The following ANO6 variants were observed in gnomAD, a reference collection of about 807,000 sequenced individuals.
The protein encoded by ANO6 is anoctamin 6, also known as anoctamin-6.
ANO6 carries 106 observed loss-of-function variants against 117.5 expected under a neutral mutation model. The ratio of observed to expected loss-of-function variants is 0.90; its 90% CI spans 0.77 to 1.06. The LOEUF (loss-of-function observed/expected upper bound fraction) is 1.06. Ranked by LOEUF, ANO6 falls within the 50% of genes least tolerant of loss-of-function variation. The probability of loss-of-function intolerance (pLI) is 0.00; values close to 1 mark genes in which losing one functional copy is unlikely to be tolerated. For missense variants in ANO6, 955 were observed against 1,121.1 expected (o/e 0.85, Z 2.12); for synonymous variants, 367 against 385.1 (o/e 0.95, Z 0.55).
At position 45,430,088 on chromosome 12, in the gene ANO6, C is replaced by G; in HGVS notation, c.*777C>G. 3 of 985,442 alleles carry G rather than the reference C, an allele frequency of 3.0e-6. No homozygotes were observed. The highest frequency in any genetic ancestry group is 3.6e-6 in the Non-Finnish European group (3 of 829,938). The allele number at this position is 985,442 out of a possible 1,614,324, so 61.0% of individuals were successfully genotyped here. A position where few individuals can be genotyped will look rare whatever the true frequency, so the allele number is the denominator to read the frequency against. On this transcript the variant is annotated 3_prime_UTR_variant, in exon 20 of 20. Coordinates refer to ENST00000320560, the MANE Select transcript of ANO6 (RefSeq NM_001025356.3). ...AAAATGACAAAAGCAGGGAAAGTTA[C>G]AGATTCAAACAGCATTTTAACTCAT...
intron 3 of ANO6, among the ~76,000 whole-genome samples, chr12:45,331,754 A>G (rs778712249): frequency 6.6e-6 from 1 of 152,118 alleles, no homozygotes; most frequent in Admixed American, 6.6e-5. Flanking sequence ...AATGATTAAT[A>G]ATGACAAGTG....
chr12:45,226,305 G>A (rs1252204094), intron 1 of ANO6, among the ~76,000 whole-genome samples: 3 of 152,118 alleles, frequency 2.0e-5, no homozygotes, highest in Non-Finnish European at 4.4e-5. Flanking sequence ...AGAAATACAA[G>A]TGAAAGAAAA....
intron 7 of ANO6, among the ~76,000 whole-genome samples, chr12:45,354,166 G>GC (rs1257567069): frequency 3.3e-5 from 5 of 152,056 alleles, no homozygotes; most frequent in Admixed American, 6.5e-5. Flanking sequence ...TGAAAATAGA[G>GC]CCACTGAGTC....
In ANO6 at chr12:45,422,975, C is replaced by G; in HGVS notation, c.2439C>G (p.Tyr813Ter). The change falls in exon 19 of 20, where the codon TAC (tyrosine) becomes TAG (stop). Residue 813 changes from tyrosine (Y) to a stop codon, truncating the protein, a stop_gained. Coordinates refer to ENST00000320560, the MANE Select transcript of ANO6 (RefSeq NM_001025356.3). LOFTEE classifies it high-confidence loss of function. The stretch of plus-strand genomic sequence containing the variant: ...TTTTCAGGTATCGTGATTTCCGATA[C>G]CCACCTGGACACCCCCAGGAGTATA... ...HTTCRYRDFR[Y>*]PPGHPQEYKH... The G allele has an allele frequency of 6.2e-7, 1 of 1,613,462 alleles. No homozygotes were observed. The highest frequency in any genetic ancestry group is 1.1e-5 in the South Asian group (1 of 91,066).
At chr12:45,290,131 T>C (rs1191194823) in intron 1 of ANO6, among the ~76,000 whole-genome samples, 6 of 152,142 alleles carry the variant, frequency 3.9e-5, no homozygotes, top group African/African-American at 1.4e-4. Flanking sequence ...CAGACTTCAC[T>C]GGGGGTGCAT....
intron 1 of ANO6, among the ~76,000 whole-genome samples, chr12:45,224,681 A>G (rs992883857): frequency 6.6e-6 from 1 of 152,232 alleles, no homozygotes; most frequent in South Asian, 2.1e-4. Flanking sequence ...CTAAAAGAAT[A>G]AGAGTTACTC....
At chr12:45,375,902 A>G (rs1052243852) in intron 9 of ANO6, among the ~76,000 whole-genome samples, 120 of 148,834 alleles carry the variant, frequency 8.1e-4, no homozygotes, top group Non-Finnish European at 1.4e-3. Context: ...AGAAACTACC[A>G]TCAGAGTGAA....
chr12:45,286,200 G>C (rs192798035), intron 1 of ANO6, among the ~76,000 whole-genome samples: 43 of 152,264 alleles, frequency 2.8e-4, no homozygotes, highest in African/African-American at 9.1e-4. Flanking sequence ...AGATCTCCTC[G>C]TGTTGCCTAG....
At chr12:45,328,198 G>A (rs984323369) in intron 2 of ANO6, among the ~76,000 whole-genome samples, 1 of 152,002 alleles carries the variant, frequency 6.6e-6, no homozygotes, top group African/African-American at 2.4e-5. Flanking sequence ...TCAAAAACAA[G>A]CTCATTTACT....
In ANO6 at chr12:45,366,521, C is replaced by T. The variant is rs765947264; in HGVS notation, c.999-1167C>T. On this transcript the variant is annotated intron_variant, in intron 8 of 19. Transcript: ENST00000320560. ...GTTCTCACTTTACTAATTTGCTTGG[C>T]CAGCTTTGGTATAAATCAGTTTTTA... Among the ~76,000 whole-genome samples, 91 of 152,228 alleles carry T rather than the reference C, an allele frequency of 6.0e-4. 1 individual carries two copies. The Middle Eastern group carries it at 0.01, about 17-fold the overall frequency.
In ANO6 at chr12:45,216,386, A is replaced by G; in HGVS notation, c.65A>G (p.Asp22Gly). Residue 22 changes from aspartate to glycine, a missense_variant, in exon 1 of 20, where the codon GAT (aspartate) becomes GGT (glycine). By Grantham distance (94) the Asp-to-Gly change is moderately conservative (BLOSUM62 -1). Coordinates refer to ENST00000320560, the MANE Select transcript of ANO6 (RefSeq NM_001025356.3). Reference protein sequence around the residue: ...MEEEEDDDDGDIVLENLGQTI... With the variant: ...MEEEEDDDDGGIVLENLGQTI... Reference sequence around the variant, plus strand: ...GAGGAGGAGGACGACGACGATGGGGATATCGGTGAGCGAGGGGTCCCCGCG... The same window carrying G: ...GAGGAGGAGGACGACGACGATGGGGGTATCGGTGAGCGAGGGGTCCCCGCG... The G allele has an allele frequency of 6.2e-7, 1 of 1,612,200 alleles. No homozygotes were observed. The highest frequency in any genetic ancestry group is 1.7e-4 in the Middle Eastern group (1 of 6,060).
intron 1 of ANO6, among the ~76,000 whole-genome samples, chr12:45,229,906 C>T (rs1947549722): frequency 7.7e-6 from 1 of 130,386 alleles, no homozygotes. Context: ...AATGTTAGAA[C>T]CTACTTCATA....
intron 12 of ANO6, among the ~76,000 whole-genome samples, chr12:45,392,796 A>G (rs985594122): frequency 6.6e-6 from 1 of 152,272 alleles, no homozygotes; most frequent in African/African-American, 2.4e-5. Flanking sequence ...AAGGAATAGC[A>G]TTAACATCAA....
At chr12:45,266,678 T>C (rs1938225758) in intron 1 of ANO6, among the ~76,000 whole-genome samples, 1 of 152,102 alleles carries the variant, frequency 6.6e-6, no homozygotes, top group African/African-American at 2.4e-5. Context: ...GCACTTGTAG[T>C]TCGAGCTACT....
chr12:45,427,737 T>TTA (rs1040756000), intron 19 of ANO6, among the ~76,000 whole-genome samples: 2 of 126,478 alleles, frequency 1.6e-5, no homozygotes, highest in African/African-American at 5.9e-5. Context: ...TAAGTTGGTT[T>TTA]AAAAAAAAAA....
chr12:45,422,961 C>G lies in ANO6; in HGVS notation c.2425C>G (p.Arg809Gly), dbSNP rs141980380. Residue 809 changes from arginine to glycine, a missense_variant, in exon 19 of 20, where the codon CGT becomes GGT. Coordinates refer to ENST00000320560, the MANE Select transcript of ANO6 (RefSeq NM_001025356.3). ...ATGTCTCCATTTTGTTTTCAGGTAT[C>G]GTGATTTCCGATACCCACCTGGACA... Reference protein sequence around the residue: ...DLGNHTTCRYRDFRYPPGHPQ... With the variant: ...DLGNHTTCRYGDFRYPPGHPQ... 6.2e-7 allele frequency: 1 copy of G among 1,609,266 alleles called. No homozygotes were observed. Among genetic ancestry groups the G allele is most frequent in the Non-Finnish European group, 8.5e-7 (1 of 1,175,576 alleles).
chr12:45,349,352 T>TA (rs1383004356), intron 6 of ANO6, among the ~76,000 whole-genome samples: 1 of 152,186 alleles, frequency 6.6e-6, no homozygotes, highest in East Asian at 1.9e-4. Context: ...GACATTTTTT[T>TA]AAGGACTACA....
chr12:45,333,074 C>T (rs1354895873), intron 3 of ANO6, among the ~76,000 whole-genome samples: 1 of 151,722 alleles, frequency 6.6e-6, no homozygotes, highest in African/African-American at 2.4e-5. Context: ...ATTGGCTCAC[C>T]ATACAATCAA....
At position 45,309,620 on chromosome 12, in the gene ANO6, A is replaced by G. The variant is rs574811376; in HGVS notation, c.150+7527A>G. 5.3e-5 allele frequency among the ~76,000 whole-genome samples: 8 copies of G among 151,972 alleles called. No homozygotes were observed. The East Asian group carries it at 1.4e-3, about 26-fold the overall frequency. ...CTTTGTTTTGGTTATTTCTGAAGCAACTGAATTGGTGTTAGGGCTATTGAA... is the reference window on the plus strand; with the variant it reads ...CTTTGTTTTGGTTATTTCTGAAGCAGCTGAATTGGTGTTAGGGCTATTGAA... On this transcript the variant is annotated intron_variant, in intron 2 of 19. Coordinates refer to ENST00000320560, the MANE Select transcript of ANO6 (RefSeq NM_001025356.3).
Sources: allele counts gnomAD v4.1 joint callset (sites outside exome capture counted in the v4.1 genomes callset), GRCh38; gene constraint gnomAD v4.1.1; transcripts MANE v1.5; gene names NCBI Gene and HGNC (gene_info 2026-07-23, HGNC 2026-07-21).